RANBP2: variants seen among roughly 807,000 people sequenced by gnomAD.
RANBP2 encodes E3 SUMO-protein ligase RanBP2.
A neutral mutation model predicts 303.6 loss-of-function variants in RANBP2; 57 were observed. That is an observed-to-expected ratio of 0.19 (90% CI 0.15 to 0.23). The LOEUF is 0.23. Ranked by LOEUF, RANBP2 falls within the 10% of genes least tolerant of loss-of-function variation. The probability of loss-of-function intolerance (pLI) is 1.00; values close to 1 mark genes in which losing one functional copy is unlikely to be tolerated. For synonymous variants in RANBP2, 1,167 were observed against 1,301.5 expected (o/e 0.90, Z 2.23); for missense variants, 3,138 against 3,780.8 (o/e 0.83, Z 4.46).
the RANBP2 span, among the ~76,000 whole-genome samples, chr2:109,692,756 A>G: frequency 6.6e-6 from 1 of 151,676 alleles, no homozygotes; most frequent in Non-Finnish European, 1.5e-5. Context: ...AAGGGCCCAC[A>G]TGCGCCTCGT....
chr2:108,944,330 T>C, the RANBP2 span, among the ~76,000 whole-genome samples: 4 of 152,200 alleles, frequency 2.6e-5, no homozygotes, highest in Non-Finnish European at 5.9e-5. Context: ...GCGGGGCTGG[T>C]CCTGAACTCC....
chr2:109,731,910 C>A, the RANBP2 span, among the ~76,000 whole-genome samples: 1 of 150,948 alleles, frequency 6.6e-6, no homozygotes, highest in Non-Finnish European at 1.5e-5. Flanking sequence ...TGCAGTGGCA[C>A]CATCATGACT....
chr2:109,371,808 C>T, the RANBP2 span: 2 of 775,390 alleles, frequency 2.6e-6, no homozygotes, highest in Non-Finnish European at 2.2e-6. Context: ...TAGCCTCTGG[C>T]CAGAGAGCTG....
the RANBP2 span, among the ~76,000 whole-genome samples, chr2:109,730,638 T>G: frequency 6.6e-6 from 1 of 152,214 alleles, no homozygotes; most frequent in African/African-American, 2.4e-5. Context: ...CTCACATTTC[T>G]AGAGGCTAGA....
chr2:109,488,431 G>A, the RANBP2 span, among the ~76,000 whole-genome samples: 3 of 152,244 alleles, frequency 2.0e-5, no homozygotes, highest in East Asian at 3.9e-4. Context: ...CCCACCCCAG[G>A]TACTGCAGTT....
At chr2:109,408,442 T>TA in the RANBP2 span, among the ~76,000 whole-genome samples, 1 of 152,180 alleles carries the variant, frequency 6.6e-6, no homozygotes, top group Non-Finnish European at 1.5e-5. Flanking sequence ...CGCTCCAGGC[T>TA]AAACCACCTA....
chr2:109,544,031 A>G, the RANBP2 span: 1 of 907,796 alleles, frequency 1.1e-6, no homozygotes, highest in South Asian at 1.6e-5. Context: ...GGAATTTTCC[A>G]CTTGTGGGGT....
At chr2:109,510,468 C>T in the RANBP2 span, among the ~76,000 whole-genome samples, 8 of 152,132 alleles carry the variant, frequency 5.3e-5, no homozygotes, top group East Asian at 5.8e-4. Context: ...ATGTGGAGGC[C>T]GAGGGGAAGC....
At chr2:109,453,656 CAG>C in the RANBP2 span, among the ~76,000 whole-genome samples, 1 of 152,214 alleles carries the variant, frequency 6.6e-6, no homozygotes, top group African/African-American at 2.4e-5. Context: ...ATGTACCTGG[CAG>C]AGCGCAGGCA....
chr2:108,986,300 T>C, the RANBP2 span, among the ~76,000 whole-genome samples: 11 of 152,190 alleles, frequency 7.2e-5, no homozygotes, highest in African/African-American at 2.7e-4. Context: ...ACTGAGACTG[T>C]TTCCTCTTGA....
the RANBP2 span, among the ~76,000 whole-genome samples, chr2:109,156,655 A>G: frequency 6.6e-6 from 1 of 152,190 alleles, no homozygotes; most frequent in Non-Finnish European, 1.5e-5. Flanking sequence ...CATGTTGGCC[A>G]GGCTGGTCAC....
the RANBP2 span, among the ~76,000 whole-genome samples, chr2:109,460,555 C>A: frequency 6.6e-6 from 1 of 152,228 alleles, no homozygotes; most frequent in Non-Finnish European, 1.5e-5. Flanking sequence ...AGGAAAGAGG[C>A]TCAGTCATTG....
At chr2:108,940,629 T>G in the RANBP2 span, among the ~76,000 whole-genome samples, 1 of 152,382 alleles carries the variant, frequency 6.6e-6, no homozygotes, top group African/African-American at 2.4e-5. Flanking sequence ...ACAATGTGAA[T>G]GTGGAGTCAC....
At chr2:109,094,726 A>G in the RANBP2 span, among the ~76,000 whole-genome samples, 2 of 152,124 alleles carry the variant, frequency 1.3e-5, no homozygotes, top group Admixed American at 6.5e-5. Flanking sequence ...GCTATTCAGG[A>G]GGCTGAGGCA....
At chr2:108,768,502 C>A in intron 20 of RANBP2, 114 bp downstream of exon 20, 9 of 1,573,510 alleles carry the variant, frequency 5.7e-6, no homozygotes, top group African/African-American at 1.4e-5. Context: ...TTTGTGAACA[C>A]CCCCAAAATA....
At chr2:109,173,185 C>T in the RANBP2 span, among the ~76,000 whole-genome samples, 39,785 of 151,950 alleles carry the variant, frequency 0.26, 5,542 homozygotes, top group East Asian at 0.42. Flanking sequence ...TCATGGAAAT[C>T]GAACACAGAC....
At chr2:109,033,848 C>G in the RANBP2 span, among the ~76,000 whole-genome samples, 3 of 149,714 alleles carry the variant, frequency 2.0e-5, no homozygotes, top group Admixed American at 2.0e-4. Flanking sequence ...CCCAGCAATT[C>G]GGGAGGCTGA....
the RANBP2 span, among the ~76,000 whole-genome samples, chr2:108,795,150 A>ATTTTTTTT: frequency 3.3e-3 from 279 of 85,002 alleles, 6 homozygotes; most frequent in East Asian, 4.8e-3. Context: ...TCTAAAGTGT[A>ATTTTTTTT]TTTTTTTTTT....
chr2:109,580,670 C>T, the RANBP2 span, among the ~76,000 whole-genome samples: 2 of 152,144 alleles, frequency 1.3e-5, no homozygotes, highest in Non-Finnish European at 2.9e-5. Flanking sequence ...GATAGAGGAA[C>T]TGGGACTGGA....
Sources: gnomAD v4.1 joint callset for allele counts (sites outside exome capture counted in the v4.1 genomes callset) on GRCh38, gnomAD v4.1.1 for gene constraint, MANE v1.5 for transcripts, NCBI Gene and HGNC (gene_info 2026-07-23, HGNC 2026-07-21) for gene names.